The following CAMKMT variants were observed in gnomAD, a reference collection of about 807,000 sequenced individuals.
CAMKMT encodes the protein CaM KMT.
CAMKMT carries 53 observed loss-of-function variants against 48.0 expected under a neutral mutation model. The observed-to-expected ratio is 1.10, with a 90% CI of 0.89 to 1.39. The LOEUF (loss-of-function observed/expected upper bound fraction) is 1.39, where lower values mean the gene tolerates loss of function less well. Among genes scored for constraint, CAMKMT ranks in the 40% most tolerant of loss-of-function variants. The pLI, the probability that CAMKMT is intolerant of heterozygous loss-of-function variation, is 0.00. For synonymous variants in CAMKMT, 165 were observed against 152.3 expected, an observed-to-expected ratio of 1.08 and a Z score of -0.61; for missense variants, 428 against 402.7, an observed-to-expected ratio of 1.06 and a Z score of -0.54.
chr2:44,381,522 A>G (rs1680237033), intron 2 of CAMKMT, among the ~76,000 whole-genome samples: 1 of 152,218 alleles, frequency 6.6e-6, no homozygotes, highest in African/African-American at 2.4e-5. Context: ...TTTCCACAAG[A>G]ATGTTCACTG....
At chr2:44,553,088 T>G (rs1667810269) in intron 3 of CAMKMT, among the ~76,000 whole-genome samples, 1 of 152,150 alleles carries the variant, frequency 6.6e-6, no homozygotes, top group African/African-American at 2.4e-5. Flanking sequence ...TGATTTAAAT[T>G]TTCATGGCAC....
intron 3 of CAMKMT, among the ~76,000 whole-genome samples, chr2:44,592,344 T>G (rs1321564360): frequency 6.6e-6 from 1 of 152,170 alleles, no homozygotes; most frequent in African/African-American, 2.4e-5. Flanking sequence ...CCATTTCATC[T>G]AAGTTGTCAA....
At chr2:44,606,210 C>T (rs78797129) in intron 3 of CAMKMT, among the ~76,000 whole-genome samples, 4,267 of 152,196 alleles carry the variant, frequency 0.028, 196 homozygotes, top group African/African-American at 0.097. Flanking sequence ...AAAAGTGATC[C>T]CCATTGCTGT....
At chr2:44,582,552 T>A (rs73927157) in intron 3 of CAMKMT, among the ~76,000 whole-genome samples, 1,666 of 152,300 alleles carry the variant, frequency 0.011, 26 homozygotes, top group African/African-American at 0.037. Flanking sequence ...CAGCACATAG[T>A]CCAATAAGCA....
At chr2:44,669,016 C>T (rs868856569) in intron 3 of CAMKMT, among the ~76,000 whole-genome samples, 1 of 152,172 alleles carries the variant, frequency 6.6e-6, no homozygotes, top group African/African-American at 2.4e-5. Flanking sequence ...CTCCAGAGCT[C>T]AGGCAATCCA....
intron 3 of CAMKMT, among the ~76,000 whole-genome samples, chr2:44,671,728 A>T (rs1442350825): frequency 6.6e-6 from 1 of 152,058 alleles, no homozygotes; most frequent in Non-Finnish European, 1.5e-5. Context: ...TTAAAATTTC[A>T]ACTCCCCAAG....
rs1226224410 is a variant in CAMKMT at position 44,392,939 on chromosome 2, T to G, written c.376+2634T>G. ...AAGAGATGGAATTATCTATTTATTTTAAGAATTTGTTTCTAGGTTAATAAT... is the reference window on the plus strand; with the variant it reads ...AAGAGATGGAATTATCTATTTATTTGAAGAATTTGTTTCTAGGTTAATAAT... On this transcript the variant is annotated intron_variant, in intron 3 of 10. Coordinates refer to ENST00000378494, the MANE Select transcript of CAMKMT (RefSeq NM_024766.5). 1.2e-4 allele frequency among the ~76,000 whole-genome samples: 19 copies of G among 152,114 alleles called. 1 individual carries two copies. The highest frequency in any genetic ancestry group is 1.2e-3 in the Admixed American group (18 of 15,276).
chr2:44,456,835 A>G (rs1327742080), intron 3 of CAMKMT: 1 of 450,200 alleles, frequency 2.2e-6, no homozygotes, highest in Non-Finnish European at 3.9e-6. Flanking sequence ...CAGCCCAATT[A>G]TGTTTTCTAC....
At chr2:44,479,291 CTT>C (rs1291312768) in intron 3 of CAMKMT, among the ~76,000 whole-genome samples, 2 of 152,034 alleles carry the variant, frequency 1.3e-5, no homozygotes, top group Non-Finnish European at 2.9e-5. Context: ...GAGTACCTCT[CTT>C]TTGTGTCTTG....
At chr2:44,721,539 C>CAA (rs1678459634) in intron 7 of CAMKMT, among the ~76,000 whole-genome samples, 1 of 152,104 alleles carries the variant, frequency 6.6e-6, no homozygotes, top group Non-Finnish European at 1.5e-5. Flanking sequence ...TTGAAAATTA[C>CAA]AACTTTATTG....
chr2:44,460,203 A>C (rs1426987423), intron 3 of CAMKMT, among the ~76,000 whole-genome samples: 2 of 152,208 alleles, frequency 1.3e-5, no homozygotes, highest in Non-Finnish European at 2.9e-5. Flanking sequence ...TTAACAGAAG[A>C]GGGAAAAAAA....
chr2:44,427,247 T>G (rs1684335169), intron 3 of CAMKMT, among the ~76,000 whole-genome samples: 1 of 152,198 alleles, frequency 6.6e-6, no homozygotes. Flanking sequence ...GACATTGGCC[T>G]AGGCAAATAA....
chr2:44,376,560 A>G (rs147695210), intron 2 of CAMKMT, among the ~76,000 whole-genome samples: 43 of 152,312 alleles, frequency 2.8e-4, no homozygotes, highest in Middle Eastern at 3.4e-3. Flanking sequence ...ACACAGGGTG[A>G]TCAGCACTTG....
At chr2:44,564,155 A>G (rs979166513) in intron 3 of CAMKMT, among the ~76,000 whole-genome samples, 3 of 151,220 alleles carry the variant, frequency 2.0e-5, no homozygotes, top group African/African-American at 4.9e-5. Context: ...TTGGGGTTCA[A>G]AGCATACTAG....
chr2:44,615,123 G>A (rs1191329125), intron 3 of CAMKMT, among the ~76,000 whole-genome samples: 3 of 151,430 alleles, frequency 2.0e-5, no homozygotes, highest in Non-Finnish European at 2.9e-5. Flanking sequence ...ATAGGGTCTT[G>A]CTATGTTGCC....
chr2:44,604,447 T>C (rs758122242), intron 3 of CAMKMT, among the ~76,000 whole-genome samples: 9 of 152,026 alleles, frequency 5.9e-5, no homozygotes, highest in Non-Finnish European at 8.8e-5. Context: ...GAAACCCTTA[T>C]CTGAAAACCC....
chr2:44,618,351 CTT>C lies in CAMKMT; in HGVS notation c.377-85928_377-85927del, dbSNP rs1274827763. Among the ~76,000 whole-genome samples the C allele has an allele frequency of 6.6e-6, 1 of 152,180 alleles. No individual in the cohort carries two copies. On this transcript the variant is annotated intron_variant, in intron 3 of 10. Coordinates refer to ENST00000378494, the MANE Select transcript of CAMKMT (RefSeq NM_024766.5). This position sits in a 1 kb window ranked among gnomAD's most constrained non-coding sequence, Gnocchi z 4.0. ...GCAAAGCTCAGAGATGGATACTGAG[CTT>C]TTTGCTGGCCCTTGGAGATTAACTG...
chr2:44,387,821 A>C (rs1195653213), intron 2 of CAMKMT, among the ~76,000 whole-genome samples: 1 of 152,160 alleles, frequency 6.6e-6, no homozygotes, highest in African/African-American at 2.4e-5. Flanking sequence ...TGGATACAAA[A>C]TTCTTGGCTG....
intron 3 of CAMKMT, among the ~76,000 whole-genome samples, chr2:44,592,679 A>G (rs1003156438): frequency 6.6e-6 from 1 of 152,230 alleles, no homozygotes; most frequent in African/African-American, 2.4e-5. Context: ...AGGAAAAAAC[A>G]TAGTATATAC....
Sources: gnomAD v4.1 joint callset for allele counts (sites outside exome capture counted in the v4.1 genomes callset) on GRCh38, gnomAD v4.1.1 for gene constraint, Gnocchi (gnomAD v3.1) non-coding constraint, MANE v1.5 for transcripts, NCBI Gene and HGNC (gene_info 2026-07-23, HGNC 2026-07-21) for gene names.